Variants in RASEF observed in about 807,000 individuals in gnomAD.
The protein encoded by RASEF is RAS and EF-hand domain containing, also known as ras and EF-hand domain-containing protein.
RASEF carries 68 observed loss-of-function variants against 90.1 expected under a neutral mutation model. The ratio of observed to expected loss-of-function variants is 0.75; its 90% CI spans 0.62 to 0.92. The LOEUF (loss-of-function observed/expected upper bound fraction) is 0.92, where lower values mean the gene tolerates loss of function less well. RASEF is among the 40% of genes least tolerant of loss of function. RASEF has a pLI of 0.00. For synonymous variants in RASEF, 331 were observed against 345.2 expected (o/e 0.96, Z 0.46); for missense variants, 949 against 937.2 (o/e 1.01, Z -0.16).
At chr9:82,988,661 G>T (rs1386894556) in intron 16 of RASEF, among the ~76,000 whole-genome samples, 1 of 151,964 alleles carries the variant, frequency 6.6e-6, no homozygotes, top group East Asian at 1.9e-4. Context: ...GTTTAAAAGA[G>T]AGTAGCCCCT....
chr9:83,198,352 A>G, the RASEF span, among the ~76,000 whole-genome samples: 1 of 152,158 alleles, frequency 6.6e-6, no homozygotes, highest in African/African-American at 2.4e-5. Flanking sequence ...TTTACTGTCT[A>G]AAAACTGCAA....
At chr9:83,188,458 G>A in the RASEF span, among the ~76,000 whole-genome samples, 2 of 152,168 alleles carry the variant, frequency 1.3e-5, no homozygotes, top group African/African-American at 4.8e-5. Flanking sequence ...TGTGCAACCT[G>A]AGCAAGCTCC....
chr9:83,134,244 G>T, the RASEF span, among the ~76,000 whole-genome samples: 26 of 152,006 alleles, frequency 1.7e-4, no homozygotes, highest in Non-Finnish European at 3.2e-4. Context: ...TCACAGAGAA[G>T]TGTAACAGAG....
upstream of RASEF, among the ~76,000 whole-genome samples, chr9:83,065,522 T>A (rs1830275318): frequency 6.6e-6 from 1 of 152,178 alleles, no homozygotes; most frequent in Non-Finnish European, 1.5e-5. Flanking sequence ...TTGCTGATAT[T>A]CCATTGACAA....
At position 83,054,522 on chromosome 9, in the gene RASEF, T is replaced by C. The variant is rs1309869247; in HGVS notation, c.431+7915A>G. On this transcript the variant is annotated intron_variant, in intron 1 of 16. Coordinates refer to ENST00000376447, the MANE Select transcript of RASEF (RefSeq NM_152573.4). ...CCCGTAGCTCAGAGTAATTTGATCG[T>C]CTGAAGCCTTCTTCTCTCAGCTCGT... The C allele has an allele frequency of 2.1e-5, 3 of 143,052 alleles. No individual in the cohort carries two copies. In the South Asian group the frequency reaches 6.9e-4, roughly 33 times the overall value. 8.9% of individuals were successfully genotyped at this position (143,052 alleles called of 1,614,324 possible). A position where few individuals can be genotyped will look rare whatever the true frequency, so the allele number is the denominator to read the frequency against.
At chr9:83,208,252 C>T in the RASEF span, among the ~76,000 whole-genome samples, 11 of 152,174 alleles carry the variant, frequency 7.2e-5, no homozygotes, top group African/African-American at 2.7e-4. Context: ...GGCGTGTCTC[C>T]AGGACAGGAA....
the RASEF span, among the ~76,000 whole-genome samples, chr9:83,196,939 G>A: frequency 3.9e-5 from 6 of 152,208 alleles, no homozygotes; most frequent in South Asian, 2.1e-4. Flanking sequence ...CTCTAGTGCT[G>A]CTCCTTTAAT....
chr9:83,216,342 C>T, the RASEF span, among the ~76,000 whole-genome samples: 1 of 152,142 alleles, frequency 6.6e-6, no homozygotes. Context: ...TTTCCTGAGC[C>T]AGGTCCCAGG....
At chr9:83,152,733 CAT>C in the RASEF span, among the ~76,000 whole-genome samples, 3 of 93,014 alleles carry the variant, frequency 3.2e-5, no homozygotes, top group South Asian at 3.5e-4. Flanking sequence ...CACAGACACA[CAT>C]ACACACACAC....
At chr9:83,057,274 T>A (rs1177847820) in intron 1 of RASEF, among the ~76,000 whole-genome samples, 2 of 152,180 alleles carry the variant, frequency 1.3e-5, no homozygotes, top group Non-Finnish European at 2.9e-5. Flanking sequence ...AATATAATCT[T>A]ATATCTAGAA....
At chr9:83,191,670 C>T in the RASEF span, among the ~76,000 whole-genome samples, 1 of 152,150 alleles carries the variant, frequency 6.6e-6, no homozygotes, top group Non-Finnish European at 1.5e-5. Flanking sequence ...TGTTTAAAAG[C>T]CTTTACCTTG....
At chr9:83,178,633 C>T in the RASEF span, among the ~76,000 whole-genome samples, 1 of 152,142 alleles carries the variant, frequency 6.6e-6, no homozygotes, top group Non-Finnish European at 1.5e-5. Context: ...TGTTGAAGTG[C>T]TCACAGACAC....
intron 1 of RASEF, among the ~76,000 whole-genome samples, chr9:83,049,618 C>A (rs1421577621): frequency 7.1e-6 from 1 of 139,864 alleles, no homozygotes; most frequent in East Asian, 2.1e-4. Context: ...TATACATGTG[C>A]CATGCTGGTG....
rs754579235 is a variant in RASEF at position 82,982,834 on chromosome 9, G to GA, written c.2118-53dup. ...GAGAGAGAGAGAGAGAGAGAGAGAG[G>GA]ATTACTGAGGTATAAAAACTAAGCC... On this transcript the variant is annotated intron_variant, in intron 16 of 16. Transcript: ENST00000376447. 4.0e-5 allele frequency: 40 copies of GA among 996,150 alleles called. No individual in the cohort carries two copies. The African/African-American group carries it at 5.7e-4, about 14-fold the overall frequency. 61.7% of individuals were successfully genotyped at this position (996,150 alleles called of 1,614,324 possible). A position where few individuals can be genotyped will look rare whatever the true frequency, so the allele number is the denominator to read the frequency against.
chr9:83,062,954 C>T lies in RASEF; in HGVS notation c.-87G>A. On this transcript the variant is annotated 5_prime_UTR_variant, in exon 1 of 17. Transcript: ENST00000376447. Reference sequence around the variant, plus strand: ...GAAGGACGGGGCCACCTGCTGCCGCCGGGAGGCCCGGCGAGTTTGGCTCGT... The same window carrying T: ...GAAGGACGGGGCCACCTGCTGCCGCTGGGAGGCCCGGCGAGTTTGGCTCGT... The T allele has an allele frequency of 2.3e-6, 3 of 1,310,752 alleles. No individual in the cohort carries two copies. Among genetic ancestry groups the T allele is most frequent in the Non-Finnish European group, 2.9e-6 (3 of 1,019,946 alleles). The allele number at this position is 1,310,752 out of a possible 1,614,324, so 81.2% of individuals were successfully genotyped here.
intron 16 of RASEF, 112 bp from the exon 17 acceptor site, chr9:82,982,894 T>A: frequency 1.4e-6 from 1 of 728,316 alleles, no homozygotes; most frequent in Non-Finnish European, 2.5e-6. Context: ...ATAGCCATGC[T>A]GAGTGTCTGC....
chr9:83,203,606 A>G, the RASEF span, among the ~76,000 whole-genome samples: 1 of 152,168 alleles, frequency 6.6e-6, no homozygotes, highest in Non-Finnish European at 1.5e-5. Flanking sequence ...AAGTTCGTTG[A>G]AAGTGAAAAT....
intron 1 of RASEF, among the ~76,000 whole-genome samples, chr9:83,030,093 G>A (rs1829618304): frequency 6.6e-6 from 1 of 152,328 alleles, no homozygotes; most frequent in South Asian, 2.1e-4. Flanking sequence ...GTGGGGGGAT[G>A]TGGTGGCTCA....
the RASEF span, among the ~76,000 whole-genome samples, chr9:83,140,813 G>T: frequency 6.6e-6 from 1 of 151,982 alleles, no homozygotes; most frequent in Non-Finnish European, 1.5e-5. Flanking sequence ...ACAAAATTAA[G>T]AAAAAATTGA....
Sources: allele counts gnomAD v4.1 joint callset (sites outside exome capture counted in the v4.1 genomes callset), GRCh38; gene constraint gnomAD v4.1.1; transcripts MANE v1.5; gene names NCBI Gene and HGNC (gene_info 2026-07-23, HGNC 2026-07-21).